NCMAP: variants seen among roughly 807,000 people sequenced by gnomAD.
NCMAP encodes noncompact myelin-associated protein.
Under a neutral mutation model 7.8 loss-of-function variants are expected in NCMAP, and 8 were observed. The ratio of observed to expected loss-of-function variants is 1.02; its 90% CI spans 0.60 to 1.84. NCMAP has a LOEUF of 1.84. Ranked by LOEUF, NCMAP falls within the 40% of genes most tolerant of loss-of-function variation. The pLI is 0.00. For missense variants in NCMAP, 112 were observed against 131.4 expected, an observed-to-expected ratio of 0.85 and a Z score of 0.72; for synonymous variants, 41 against 52.9, an observed-to-expected ratio of 0.78 and a Z score of 0.98.
chr1:24,575,717 G>A (rs1371635246), intron 1 of NCMAP, among the ~76,000 whole-genome samples: 4 of 151,128 alleles, frequency 2.6e-5, no homozygotes, highest in Non-Finnish European at 4.4e-5. Flanking sequence ...AGGCCGAGGC[G>A]GCTGGATCAC....
chr1:24,564,523 A>AAAAT (rs1651157835), intron 1 of NCMAP, among the ~76,000 whole-genome samples: 1 of 148,542 alleles, frequency 6.7e-6, no homozygotes, highest in African/African-American at 2.5e-5. Context: ...CAAAAAAAAA[A>AAAAT]AAAAAAAAAC....
intron 1 of NCMAP, among the ~76,000 whole-genome samples, chr1:24,586,759 CAAA>C (rs71577722): frequency 2.0e-4 from 21 of 107,402 alleles, no homozygotes; most frequent in African/African-American, 4.9e-4. Context: ...GACTCCATCT[CAAA>C]AAAAAAAAAA....
At chr1:24,595,928 A>G (rs751628540) in intron 2 of NCMAP, among the ~76,000 whole-genome samples, 5 of 144,934 alleles carry the variant, frequency 3.4e-5, no homozygotes, top group Non-Finnish European at 6.0e-5. Context: ...GGGATAATCC[A>G]GGTTGACAGT....
intron 1 of NCMAP, among the ~76,000 whole-genome samples, chr1:24,564,425 A>C (rs1258118509): frequency 6.7e-6 from 1 of 150,060 alleles, no homozygotes; most frequent in Non-Finnish European, 1.5e-5. Flanking sequence ...CAAGAGAAGA[A>C]TCACTTGAAC....
intron 1 of NCMAP, among the ~76,000 whole-genome samples, chr1:24,570,730 G>A (rs1001964939): frequency 6.6e-6 from 1 of 150,940 alleles, no homozygotes; most frequent in African/African-American, 2.5e-5. Flanking sequence ...CTCTGTGTTA[G>A]TGTCTCATCT....
chr1:24,578,560 C>CTTTTTTTTTTTT (rs555342098), intron 1 of NCMAP, among the ~76,000 whole-genome samples: 5 of 107,378 alleles, frequency 4.7e-5, no homozygotes, highest in African/African-American at 1.7e-4. Context: ...TTCTTTCTTT[C>CTTTTTTTTTTTT]TTTTTTTTTT....
chr1:24,599,263 A>G (rs1395425097), intron 2 of NCMAP, among the ~76,000 whole-genome samples: 1 of 144,574 alleles, frequency 6.9e-6, no homozygotes, highest in African/African-American at 2.6e-5. Context: ...CTGGGCAACA[A>G]GAGTGAAACT....
At chr1:24,582,560 G>A (rs1651775059) in intron 1 of NCMAP, among the ~76,000 whole-genome samples, 1 of 152,118 alleles carries the variant, frequency 6.6e-6, no homozygotes, top group Non-Finnish European at 1.5e-5. Flanking sequence ...GAGGTAAGAC[G>A]ATGCTACGCT....
chr1:24,586,528 C>T (rs1011296932), intron 1 of NCMAP, among the ~76,000 whole-genome samples: 12 of 152,092 alleles, frequency 7.9e-5, no homozygotes, highest in Admixed American at 3.3e-4. Context: ...TTTGGGAGGC[C>T]GAGGAGGGCG....
intron 2 of NCMAP, among the ~76,000 whole-genome samples, chr1:24,598,405 C>G (rs113826324): frequency 0.016 from 2,491 of 152,128 alleles, 21 homozygotes; most frequent in Non-Finnish European, 0.025. Flanking sequence ...CTCCACCCCC[C>G]CAAGGGGACC....
At chr1:24,564,533 C>CAAAAAA (rs1237685346) in intron 1 of NCMAP, among the ~76,000 whole-genome samples, 53 of 82,286 alleles carry the variant, frequency 6.4e-4, no homozygotes, top group Non-Finnish European at 8.2e-4. Flanking sequence ...AAAAAAAAAA[C>CAAAAAA]AAAAAAAAAC....
chr1:24,593,244 G>A lies in NCMAP; in HGVS notation c.-7-2180G>A, dbSNP rs144729770. Among the ~76,000 whole-genome samples the A allele has an allele frequency of 4.7e-3, 714 of 152,052 alleles. 3 individuals are homozygous for A. The highest frequency in any genetic ancestry group is 0.016 in the African/African-American group (674 of 41,476). ...CATGCTTGTAATCCCAGCACTTTGGGAGACCAAGGTGGGAGGATCGCTTTG... is the reference window on the plus strand; with the variant it reads ...CATGCTTGTAATCCCAGCACTTTGGAAGACCAAGGTGGGAGGATCGCTTTG... On this transcript the variant is annotated intron_variant, in intron 1 of 3. Transcript: ENST00000374392.
In NCMAP at chr1:24,577,912, T is replaced by G. The variant is rs1192180467; in HGVS notation, c.-7-17512T>G. ...ATGGCTCCTTTAGGGGTGGTTTGGT[T>G]CTTGCTGCTGCTGTTGCGCATTTTG... On this transcript the variant is annotated intron_variant, in intron 1 of 3. Coordinates refer to ENST00000374392, the MANE Select transcript of NCMAP (RefSeq NM_001010980.5). Among the ~76,000 whole-genome samples the G allele has an allele frequency of 2.6e-5, 4 of 152,170 alleles. No individual in the cohort carries two copies. In the East Asian group the frequency reaches 7.7e-4, roughly 29 times the overall value.
In NCMAP at chr1:24,571,609, G is replaced by A. The variant is rs537216124; in HGVS notation, c.-8+15440G>A. On this transcript the variant is annotated intron_variant, in intron 1 of 3. Coordinates refer to ENST00000374392, the MANE Select transcript of NCMAP (RefSeq NM_001010980.5). ...TATATACTTTTTTTTTCTTTGAGAT[G>A]GAGTCTTGCTCTGTCGCCCAGGCTG... is the stretch of plus-strand genomic sequence containing the variant. Among the ~76,000 whole-genome samples, 51 of 150,132 alleles carry A rather than the reference G, an allele frequency of 3.4e-4. 2 individuals carry two copies. The highest frequency in any genetic ancestry group is 1.2e-3 in the African/African-American group (47 of 39,786).
chr1:24,584,681 G>C (rs1472454649), intron 1 of NCMAP, among the ~76,000 whole-genome samples: 1 of 151,996 alleles, frequency 6.6e-6, no homozygotes, highest in Non-Finnish European at 1.5e-5. Context: ...TGGGGTGGGC[G>C]GTGGGGTGGG....
rs144153736 is a variant in NCMAP, at chr1:24,580,185, C to T, written c.-7-15239C>T. 6.9e-3 allele frequency among the ~76,000 whole-genome samples: 1,053 copies of T among 152,336 alleles called. 5 individuals are homozygous for T. Among genetic ancestry groups the T allele is most frequent in the African/African-American group, 0.024 (1,013 of 41,574 alleles). Reference sequence around the variant, plus strand: ...TGTCCAATGCGGGAGCCACCAGCCACGGCGGGTACTGGGCAGCTGAAATGT... The same window carrying T: ...TGTCCAATGCGGGAGCCACCAGCCATGGCGGGTACTGGGCAGCTGAAATGT... On this transcript the variant is annotated intron_variant, in intron 1 of 3. Transcript: ENST00000374392.
chr1:24,597,280 T>G (rs1030766128), intron 2 of NCMAP, among the ~76,000 whole-genome samples: 3 of 151,632 alleles, frequency 2.0e-5, no homozygotes, highest in Non-Finnish European at 4.4e-5. Context: ...CCAAAGTGGG[T>G]GGATTACCTG....
intron 1 of NCMAP, among the ~76,000 whole-genome samples, chr1:24,578,560 C>CTTTTTTTTT (rs555342098): frequency 4.7e-5 from 5 of 107,370 alleles, no homozygotes; most frequent in African/African-American, 1.3e-4. Context: ...TTCTTTCTTT[C>CTTTTTTTTT]TTTTTTTTTT....
At chr1:24,597,613 G>T (rs1243797292) in intron 2 of NCMAP, among the ~76,000 whole-genome samples, 1 of 81,144 alleles carries the variant, frequency 1.2e-5, no homozygotes, top group African/African-American at 6.4e-5. Flanking sequence ...AAGAAAGAAA[G>T]AAAGAGAAAG....
Sources: gnomAD v4.1 joint callset for allele counts (sites outside exome capture counted in the v4.1 genomes callset) on GRCh38, gnomAD v4.1.1 for gene constraint, MANE v1.5 for transcripts, NCBI Gene and HGNC (gene_info 2026-07-23, HGNC 2026-07-21) for gene names.